GBF1: variants seen among roughly 807,000 people sequenced by gnomAD.
GBF1 encodes the protein Golgi-specific brefeldin A-resistance guanine nucleotide exchange factor 1.
A neutral mutation model predicts 210.5 loss-of-function variants in GBF1; 114 were observed. That is an observed-to-expected ratio of 0.54 (90% CI 0.47 to 0.63). The LOEUF is 0.63. Ranked by LOEUF, GBF1 falls within the 30% of genes least tolerant of loss-of-function variation. GBF1 has a pLI of 0.00. For synonymous variants in GBF1, 850 were observed against 889.2 expected (o/e 0.96, Z 0.78); for missense variants, 1,851 against 2,357.7 (o/e 0.79, Z 4.45).
chr10:102,334,873 T>A (rs2057618107), intron 3 of GBF1, among the ~76,000 whole-genome samples: 2 of 151,334 alleles, frequency 1.3e-5, no homozygotes, highest in African/African-American at 4.9e-5. Context: ...AAGTCAAGAT[T>A]CATCCCCATT....
chr10:102,232,193 C>T, the GBF1 span: 1 of 708,116 alleles, frequency 1.4e-6, no homozygotes, highest in Non-Finnish European at 2.5e-6. Flanking sequence ...GCGCCTTTCT[C>T]AACCCCAGCC....
At chr10:102,251,165 A>G (rs768083535) in intron 1 of GBF1, among the ~76,000 whole-genome samples, 8 of 152,252 alleles carry the variant, frequency 5.3e-5, no homozygotes, top group Non-Finnish European at 1.0e-4. Context: ...TGTCAGGAAG[A>G]TAGACGTGAA....
In GBF1 at chr10:102,369,315, G is replaced by A. The variant is rs1386868382; in HGVS notation, c.3078G>A (p.Glu1026=). Reference sequence around the variant, plus strand: ...ATCGTCATGGTGACATCCTGCGGGAGGGCTGGAAGAATATCATGGAGGCCA... The same window carrying A: ...ATCGTCATGGTGACATCCTGCGGGAAGGCTGGAAGAATATCATGGAGGCCA... ...LAHRHGDILR[E]GWKNIMEAML... Residue 1026 remains glutamate, a synonymous_variant, in exon 24 of 40, where the codon GAG becomes GAA. Transcript: ENST00000369983. 1 of 1,613,858 alleles carries A rather than the reference G, an allele frequency of 6.2e-7. No homozygotes were observed. The highest frequency in any genetic ancestry group is 1.3e-5 in the African/African-American group (1 of 75,036).
intron 17 of GBF1, among the ~76,000 whole-genome samples, chr10:102,364,574 C>T (rs1406384415): frequency 4.6e-5 from 7 of 150,806 alleles, no homozygotes; most frequent in African/African-American, 2.4e-5. Flanking sequence ...TCTGGCCGGG[C>T]GCAGTGGCTC....
At chr10:102,302,391 A>G (rs913836778) in intron 3 of GBF1, among the ~76,000 whole-genome samples, 11 of 152,224 alleles carry the variant, frequency 7.2e-5, no homozygotes, top group African/African-American at 2.4e-4. Context: ...ATCTCAATAT[A>G]TAAGGGGTGA....
intron 3 of GBF1, among the ~76,000 whole-genome samples, chr10:102,270,114 A>C (rs1182635707): frequency 6.6e-6 from 1 of 151,656 alleles, no homozygotes; most frequent in Admixed American, 6.6e-5. Context: ...TCCTGACCTC[A>C]TGATCTGCCC....
Position 102,259,002 on chromosome 10 carries a change from C to A in GBF1, c.64C>A (p.Arg22=). The A allele has an allele frequency of 6.3e-7, 1 of 1,599,502 alleles. No individual in the cohort carries two copies. Among genetic ancestry groups the A allele is most frequent in the Non-Finnish European group, 8.6e-7 (1 of 1,166,700 alleles). ...TAACATTGTGGTTGGGGCCATCAAA[C>A]GAAATGCCCGATGGAGCACCCATAC... is the stretch of plus-strand genomic sequence containing the variant. ...EINIVVGAIK[R]NARWSTHTPL... The change falls in exon 2 of 40, where the codon CGA becomes AGA. Residue 22 remains arginine, a synonymous_variant. Transcript: ENST00000369983.
intron 1 of GBF1, among the ~76,000 whole-genome samples, chr10:102,252,647 C>G (rs1436485590): frequency 6.6e-6 from 1 of 152,070 alleles, no homozygotes; most frequent in Admixed American, 6.5e-5. Context: ...GAGTTTGAGA[C>G]CAGCCTGGGC....
intron 3 of GBF1, among the ~76,000 whole-genome samples, chr10:102,278,448 A>G (rs1025473765): frequency 7.9e-5 from 12 of 152,132 alleles, no homozygotes; most frequent in Admixed American, 7.2e-4. Flanking sequence ...GCCAGCTGAC[A>G]TTGACATTTT....
intron 3 of GBF1, among the ~76,000 whole-genome samples, chr10:102,328,757 GCTAATGTCAGTT>G (rs1323352268): frequency 6.6e-6 from 1 of 152,094 alleles, no homozygotes; most frequent in African/African-American, 2.4e-5. Flanking sequence ...TGTAAACTTT[GCTAATGTCAGTT>G]CAGAATTTAG....
At chr10:102,354,874 C>T (rs1157004336) in intron 8 of GBF1, among the ~76,000 whole-genome samples, 2 of 151,058 alleles carry the variant, frequency 1.3e-5, no homozygotes, top group Non-Finnish European at 2.9e-5. Context: ...ATTACCTGGA[C>T]TGGGTTTGGA....
At chr10:102,254,405 G>A (rs1381247350) in intron 1 of GBF1, among the ~76,000 whole-genome samples, 1 of 152,092 alleles carries the variant, frequency 6.6e-6, no homozygotes, top group Admixed American at 6.5e-5. Flanking sequence ...TCATATATTA[G>A]CTTCTAAGAG....
At chr10:102,379,151 C>T (rs140288422) in intron 33 of GBF1, 133 bp from the exon 34 acceptor site, 769 of 742,742 alleles carry the variant, frequency 1.0e-3, no homozygotes, top group Non-Finnish European at 1.4e-3. Context: ...GAAAGAGTAG[C>T]GAGGGGGTGA....
At position 102,358,092 on chromosome 10, in the gene GBF1, G is replaced by T. The variant is rs1268012968; in HGVS notation, c.693G>T (p.Lys231Asn). 6.2e-7 allele frequency: 1 copy of T among 1,609,994 alleles called. No individual in the cohort carries two copies. Among genetic ancestry groups the T allele is most frequent in the African/African-American group, 1.3e-5 (1 of 74,806 alleles). ...ATTCATCCAAATGGAAGAAACAGAA[G>T]AGATCCCCTCGGCCCCCACGCCATA... ...MSDSSKWKKQ[K>N]RSPRPPRHMT... Residue 231 changes from lysine (K) to asparagine (N), a missense_variant, in exon 9 of 40, where the codon AAG becomes AAT. By Grantham distance (94) the Lys-to-Asn change is moderately conservative. This residue lies in a region of GBF1 where 804 missense variants were observed against 958.6 expected (regional missense o/e 0.84). Transcript: ENST00000369983.
chr10:102,322,118 C>T (rs1229691210), intron 3 of GBF1, among the ~76,000 whole-genome samples: 1 of 152,222 alleles, frequency 6.6e-6, no homozygotes, highest in Non-Finnish European at 1.5e-5. Flanking sequence ...CCTCGGCTTC[C>T]CACAGTGCTG....
chr10:102,250,106 G>T (rs537443909), intron 1 of GBF1, among the ~76,000 whole-genome samples: 20 of 152,170 alleles, frequency 1.3e-4, no homozygotes, highest in African/African-American at 4.6e-4. Context: ...TTCTTGGTTT[G>T]CCCAGCTCTG....
At chr10:102,257,760 T>A (rs1402669105) in intron 1 of GBF1, among the ~76,000 whole-genome samples, 1 of 152,088 alleles carries the variant, frequency 6.6e-6, no homozygotes, top group African/African-American at 2.4e-5. Context: ...GGGAAGACTA[T>A]ATACTTAGGA....
chr10:102,279,356 G>A (rs1256947774), intron 3 of GBF1, among the ~76,000 whole-genome samples: 1 of 152,204 alleles, frequency 6.6e-6, no homozygotes. Context: ...ACAGCCATGT[G>A]AAGTGGATTC....
At chr10:102,342,235 C>T (rs991996326) in intron 3 of GBF1, among the ~76,000 whole-genome samples, 8 of 152,042 alleles carry the variant, frequency 5.3e-5, no homozygotes, top group Non-Finnish European at 1.0e-4. Flanking sequence ...GACCAGGTTT[C>T]ACCATGTTAG....
Sources: allele counts gnomAD v4.1 joint callset (sites outside exome capture counted in the v4.1 genomes callset), GRCh38; gene constraint gnomAD v4.1.1; regional missense constraint gnomAD v4.1.1; transcripts MANE v1.5; gene names NCBI Gene and HGNC (gene_info 2026-07-23, HGNC 2026-07-21).